The following GRIN2B variants were observed in gnomAD, a reference collection of about 807,000 sequenced individuals.
The protein encoded by GRIN2B is glutamate receptor ionotropic, NMDA 2B.
In GRIN2B, 5 loss-of-function variants were observed where a neutral mutation model predicts 114.5. The observed-to-expected ratio is 0.04, with a 90% CI of 0.02 to 0.09. The LOEUF is 0.09. Ranked by LOEUF, GRIN2B falls within the 10% of genes least tolerant of loss-of-function variation. GRIN2B has a pLI of 1.00. For synonymous variants in GRIN2B, 787 were observed against 745.1 expected, an observed-to-expected ratio of 1.06 and a Z score of -0.92; for missense variants, 1,108 against 1,943.5, an observed-to-expected ratio of 0.57 and a Z score of 8.08.
chr12:13,590,097 T>C (rs1012113339), intron 10 of GRIN2B, among the ~76,000 whole-genome samples: 13 of 152,158 alleles, frequency 8.5e-5, no homozygotes, highest in African/African-American at 2.4e-4. Context: ...TCTCTAAGTC[T>C]CTGAGAGAGC....
chr12:13,626,338 A>C (rs1382475171), intron 5 of GRIN2B, among the ~76,000 whole-genome samples: 1 of 152,218 alleles, frequency 6.6e-6, no homozygotes, highest in Non-Finnish European at 1.5e-5. Context: ...CTGCTGACTG[A>C]AAATGATGGG....
At chr12:13,642,410 C>T (rs1015164134) in intron 5 of GRIN2B, among the ~76,000 whole-genome samples, 1 of 152,090 alleles carries the variant, frequency 6.6e-6, no homozygotes, top group Non-Finnish European at 1.5e-5. Flanking sequence ...TGCTATTCAG[C>T]GTATGATCTT....
rs571588057 is a variant in GRIN2B, at chr12:13,767,742, G to A, written c.412-13827C>T. Among the ~76,000 whole-genome samples, 3 of 152,246 alleles carry A rather than the reference G, an allele frequency of 2.0e-5. No homozygotes were observed. The South Asian group carries it at 6.2e-4, about 32-fold the overall frequency. On this transcript the variant is annotated intron_variant, in intron 3 of 13. Transcript: ENST00000609686. ...GTTTCACACAGATGAAAGATATCTTGGTTTGTAGGAAAATGTCCTCTTTTG... is the reference window on the plus strand; with the variant it reads ...GTTTCACACAGATGAAAGATATCTTAGTTTGTAGGAAAATGTCCTCTTTTG...
At chr12:13,808,727 A>G (rs1864662460) in intron 3 of GRIN2B, among the ~76,000 whole-genome samples, 1 of 115,546 alleles carries the variant, frequency 8.7e-6, no homozygotes, top group Non-Finnish European at 1.8e-5. Context: ...CATGTACCCT[A>G]GAACTTAAAG....
intron 3 of GRIN2B, among the ~76,000 whole-genome samples, chr12:13,853,422 AG>A (rs1417724501): frequency 6.6e-6 from 1 of 152,268 alleles, no homozygotes; most frequent in Non-Finnish European, 1.5e-5. Flanking sequence ...CTTGACAATT[AG>A]CATATAATAT....
intron 5 of GRIN2B, among the ~76,000 whole-genome samples, chr12:13,651,680 C>T (rs937849810): frequency 9.2e-5 from 14 of 152,060 alleles, no homozygotes; most frequent in African/African-American, 3.1e-4. Flanking sequence ...TTAATATGAA[C>T]CCTTCTCTAC....
rs1019409910 is a variant in GRIN2B at position 13,560,827 on chromosome 12, A to C, written c.*1956T>G. 6.6e-6 allele frequency: 1 copy of C among 152,318 alleles called. No individual in the cohort carries two copies. Among genetic ancestry groups the C allele is most frequent in the African/African-American group, 2.4e-5 (1 of 41,462 alleles). 9.4% of individuals were successfully genotyped at this position (152,318 alleles called of 1,614,324 possible). ...AGGAGGAGGGTTGGGGACAGCAGTC[A>C]AGGGCGGGATGAGGAAGGGTCACGA... On this transcript the variant is annotated 3_prime_UTR_variant, in exon 14 of 14. Coordinates refer to ENST00000609686, the MANE Select transcript of GRIN2B (RefSeq NM_000834.5).
rs551242976 is a variant in GRIN2B at position 13,917,020 on chromosome 12, C to T, written c.-18-50794G>A. 3.2e-4 allele frequency among the ~76,000 whole-genome samples: 49 copies of T among 151,986 alleles called. 1 individual carries two copies. Among genetic ancestry groups the T allele is most frequent in the African/African-American group, 1.2e-3 (49 of 41,442 alleles). ...AAAGCTACATTTCAGGAAAGGAACACGGGAAGAAAGGAAAGCACAAAGGAA... is the reference window on the plus strand; with the variant it reads ...AAAGCTACATTTCAGGAAAGGAACATGGGAAGAAAGGAAAGCACAAAGGAA... On this transcript the variant is annotated intron_variant, in intron 2 of 13. Coordinates refer to ENST00000609686, the MANE Select transcript of GRIN2B (RefSeq NM_000834.5).
At chr12:13,956,492 G>C (rs1417443760) in intron 2 of GRIN2B, among the ~76,000 whole-genome samples, 1 of 152,144 alleles carries the variant, frequency 6.6e-6, no homozygotes, top group Non-Finnish European at 1.5e-5. Flanking sequence ...TGTCACAGCT[G>C]CCCTGAATTC....
At chr12:13,923,919 A>G (rs550781311) in intron 2 of GRIN2B, among the ~76,000 whole-genome samples, 1 of 152,304 alleles carries the variant, frequency 6.6e-6, no homozygotes, top group South Asian at 2.1e-4. Context: ...CTTTTGGGCC[A>G]GAATAAGAAA....
chr12:13,724,579 T>G (rs376945464), intron 4 of GRIN2B, among the ~76,000 whole-genome samples: 1 of 152,226 alleles, frequency 6.6e-6, no homozygotes, highest in South Asian at 2.1e-4. Context: ...AAGGTGGGAA[T>G]GTTAAAATGG....
chr12:13,602,551 C>A (rs1262986462), intron 10 of GRIN2B, among the ~76,000 whole-genome samples: 1 of 152,164 alleles, frequency 6.6e-6, no homozygotes, highest in Non-Finnish European at 1.5e-5. Context: ...ACATGCTCAA[C>A]AACCACTCAA....
rs113344855 is a variant in GRIN2B at position 13,687,649 on chromosome 12, A to G, written c.1011-11790T>C. On this transcript the variant is annotated intron_variant, in intron 4 of 13. Transcript: ENST00000609686. ...TTCCCCTGTGTCTTTAGACAATGAG[A>G]CCACCACACTTACAGCTTTAAAACT... Among the ~76,000 whole-genome samples, 790 of 152,332 alleles carry G rather than the reference A, an allele frequency of 5.2e-3. 12 individuals carry two copies. The highest frequency in any genetic ancestry group is 0.018 in the African/African-American group (732 of 41,576).
chr12:13,577,529 C>T (rs1948792981), intron 10 of GRIN2B, among the ~76,000 whole-genome samples: 1 of 152,190 alleles, frequency 6.6e-6, no homozygotes, highest in East Asian at 1.9e-4. Flanking sequence ...CGCTAGAGAG[C>T]TTCTTATACA....
At position 13,567,263 on chromosome 12, in the gene GRIN2B, C is replaced by G. The variant is rs898581464; in HGVS notation, c.2360G>C (p.Gly787Ala). The G allele has an allele frequency of 6.2e-7, 1 of 1,609,020 alleles. No individual in the cohort carries two copies. Among genetic ancestry groups the G allele is most frequent in the Admixed American group, 1.7e-5 (1 of 59,954 alleles). Residue 787 changes from glycine to alanine, a missense_variant and splice_region_variant, in exon 13 of 14, where the codon GGG becomes GCG. By Grantham distance (60) the Gly-to-Ala change is moderately conservative. This residue lies in a region of GRIN2B where 35 missense variants were observed against 194.7 expected (regional missense o/e 0.18). Coordinates refer to ENST00000609686, the MANE Select transcript of GRIN2B (RefSeq NM_000834.5). ...DLAILQLFGD[G>A]EMEELEALWL... ...GAGAGCTTCCAGTTCTTCCATCTCC[C>G]CTGGGGAAAGGACAGAGAAGGAAAA...
In GRIN2B at chr12:13,553,790, C is replaced by G. The variant is rs1415399774; in HGVS notation, c.*8993G>C. 6.6e-6 allele frequency: 1 copy of G among 152,194 alleles called. No individual in the cohort carries two copies. The highest frequency in any genetic ancestry group is 1.9e-4 in the East Asian group (1 of 5,190). 9.4% of individuals were successfully genotyped at this position (152,194 alleles called of 1,614,324 possible). ...AGCTCTACCCAAAGCATCTGAAAAG[C>G]TGATACCTAAAATTTGATCAATATC... On this transcript the variant is annotated 3_prime_UTR_variant, in exon 14 of 14. Coordinates refer to ENST00000609686, the MANE Select transcript of GRIN2B (RefSeq NM_000834.5).
rs765524670 is a variant in GRIN2B at position 13,564,680 on chromosome 12, G to T, written c.2599-41C>A. On this transcript the variant is annotated intron_variant, in intron 13 of 13. Coordinates refer to ENST00000609686, the MANE Select transcript of GRIN2B (RefSeq NM_000834.5). The surrounding 1 kb of genome is among the most constrained non-coding windows in gnomAD (Gnocchi z 4.8). ...AGGGACAGGTTAGATCTCCAGAGAG[G>T]CTAGAAATGACCACAAAAAACACTC... The T allele has an allele frequency of 3.2e-6, 5 of 1,580,046 alleles. No homozygotes were observed. In the African/African-American group the frequency reaches 4.0e-5, roughly 13 times the overall value.
chr12:13,563,380 A>T lies in GRIN2B; in HGVS notation c.3858T>A (p.Thr1286=). Residue 1286 remains threonine (T), a synonymous_variant, in exon 14 of 14, where the codon ACT becomes ACA. Coordinates refer to ENST00000609686, the MANE Select transcript of GRIN2B (RefSeq NM_000834.5). The part of the protein sequence containing the change: ...ASTTKYPQSP[T]NSKAQKKNRN... ...GGTTCTTCTTCTGGGCCTTGGAATT[A>T]GTCGGGCTCTGAGGGTACTTAGTGG... 3 of 1,614,128 alleles carry T rather than the reference A, an allele frequency of 1.9e-6. No individual in the cohort carries two copies. The highest frequency in any genetic ancestry group is 2.5e-6 in the Non-Finnish European group (3 of 1,180,032).
intron 3 of GRIN2B, among the ~76,000 whole-genome samples, chr12:13,780,417 G>T (rs959461129): frequency 1.3e-5 from 2 of 152,188 alleles, no homozygotes; most frequent in Admixed American, 1.3e-4. Context: ...ATTGCAGAAT[G>T]TTATTTGTGT....
Sources: gnomAD v4.1 joint callset for allele counts (sites outside exome capture counted in the v4.1 genomes callset) on GRCh38, gnomAD v4.1.1 for gene constraint, gnomAD v4.1.1 regional missense constraint, Gnocchi (gnomAD v3.1) non-coding constraint, MANE v1.5 for transcripts, NCBI Gene and HGNC (gene_info 2026-07-23, HGNC 2026-07-21) for gene names.